The following DNAJC1 variants were observed in gnomAD, a reference collection of about 807,000 sequenced individuals.
DNAJC1 encodes the protein DnaJ heat shock protein family (Hsp40) member C1, also known as dnaJ homolog subfamily C member 1.
A neutral mutation model predicts 76.6 loss-of-function variants in DNAJC1; 58 were observed. The ratio of observed to expected loss-of-function variants is 0.76; its 90% CI spans 0.61 to 0.94. DNAJC1 has a LOEUF of 0.94. Ranked by LOEUF, DNAJC1 falls within the 40% of genes least tolerant of loss-of-function variation. The pLI is 0.00. For missense variants in DNAJC1, 689 were observed against 677.3 expected, an observed-to-expected ratio of 1.02 and a Z score of -0.19; for synonymous variants, 258 against 267.9, an observed-to-expected ratio of 0.96 and a Z score of 0.36.
chr10:21,779,127 C>A (rs1248891558), intron 9 of DNAJC1, among the ~76,000 whole-genome samples: 1 of 152,232 alleles, frequency 6.6e-6, no homozygotes, highest in East Asian at 1.9e-4. Flanking sequence ...CCCACTGCAG[C>A]TCAAGGAGGC....
At chr10:21,886,096 T>A (rs886075137) in intron 7 of DNAJC1, among the ~76,000 whole-genome samples, 1 of 151,720 alleles carries the variant, frequency 6.6e-6, no homozygotes, top group African/African-American at 2.4e-5. Flanking sequence ...CTAGCTAGGC[T>A]AATAGAGAGA....
At chr10:21,819,185 G>A (rs552738997) in intron 8 of DNAJC1, among the ~76,000 whole-genome samples, 2 of 152,208 alleles carry the variant, frequency 1.3e-5, no homozygotes, top group South Asian at 2.1e-4. Flanking sequence ...AGGTGATCAC[G>A]AGGTCAAGAG....
intron 9 of DNAJC1, among the ~76,000 whole-genome samples, chr10:21,768,441 T>C (rs962012929): frequency 6.6e-6 from 1 of 152,200 alleles, no homozygotes; most frequent in Non-Finnish European, 1.5e-5. Flanking sequence ...TCCATCCTTC[T>C]CTGTTTCATA....
At chr10:21,967,760 C>T (rs1010080010) in intron 1 of DNAJC1, among the ~76,000 whole-genome samples, 6 of 152,114 alleles carry the variant, frequency 3.9e-5, no homozygotes, top group African/African-American at 9.7e-5. Flanking sequence ...CCAAATTCTG[C>T]GGACTCGAGT....
intron 6 of DNAJC1, among the ~76,000 whole-genome samples, chr10:21,910,800 C>G (rs1400531753): frequency 8.7e-6 from 1 of 115,048 alleles, no homozygotes; most frequent in Non-Finnish European, 1.6e-5. Context: ...CACATGTAGC[C>G]CAGAACAAGA....
intron 7 of DNAJC1, among the ~76,000 whole-genome samples, chr10:21,895,656 C>T (rs533760244): frequency 3.3e-5 from 5 of 152,188 alleles, no homozygotes; most frequent in South Asian, 4.2e-4. Flanking sequence ...CCAAGGGTGT[C>T]GCCAAGCAAA....
intron 10 of DNAJC1, among the ~76,000 whole-genome samples, chr10:21,760,655 A>G (rs1834230581): frequency 6.6e-6 from 1 of 152,234 alleles, no homozygotes; most frequent in African/African-American, 2.4e-5. Context: ...TGAGGAATTA[A>G]GTTTTTAACT....
At chr10:21,904,679 A>G in intron 6 of DNAJC1, 67 bp from the exon 7 acceptor site, 1 of 1,023,980 alleles carries the variant, frequency 9.8e-7, no homozygotes, top group South Asian at 1.6e-5. Flanking sequence ...TTTTCCATGT[A>G]ACTTAACTTT....
intron 1 of DNAJC1, among the ~76,000 whole-genome samples, chr10:21,947,012 T>G (rs543596834): frequency 5.3e-5 from 8 of 152,280 alleles, no homozygotes; most frequent in African/African-American, 1.9e-4. Context: ...ATGAAGGCCC[T>G]CACCAGATGC....
chr10:21,813,319 G>C (rs1329055956), intron 8 of DNAJC1, among the ~76,000 whole-genome samples: 1 of 149,258 alleles, frequency 6.7e-6, no homozygotes, highest in African/African-American at 2.5e-5. Context: ...CAGTGAGGCC[G>C]CTCAAGCGGC....
chr10:21,915,030 A>C (rs1349122496), intron 6 of DNAJC1, among the ~76,000 whole-genome samples: 1 of 152,234 alleles, frequency 6.6e-6, no homozygotes, highest in East Asian at 1.9e-4. Context: ...TAGAGAAGGC[A>C]TATTTATCTC....
intron 1 of DNAJC1, among the ~76,000 whole-genome samples, chr10:21,943,324 G>A (rs1837450877): frequency 6.6e-6 from 1 of 152,172 alleles, no homozygotes; most frequent in Non-Finnish European, 1.5e-5. Flanking sequence ...TGAAAGGCAA[G>A]TAAAGTAGAT....
At position 21,979,757 on chromosome 10, in the gene DNAJC1, G is replaced by A. The variant is rs547173782; in HGVS notation, c.222+23456C>T. ...GGCTTTACCTTCTGCAAGTCAATCCGGCTAAGGTACAATGGATAAAACGAT... is the reference window on the plus strand; with the variant it reads ...GGCTTTACCTTCTGCAAGTCAATCCAGCTAAGGTACAATGGATAAAACGAT... On this transcript the variant is annotated intron_variant, in intron 1 of 11. Transcript: ENST00000376980. Among the ~76,000 whole-genome samples, 42 of 150,090 alleles carry A rather than the reference G, an allele frequency of 2.8e-4. No individual in the cohort carries two copies. The South Asian group carries it at 5.9e-3, about 21-fold the overall frequency.
At chr10:21,969,965 C>G (rs1837953230) in intron 1 of DNAJC1, among the ~76,000 whole-genome samples, 1 of 151,552 alleles carries the variant, frequency 6.6e-6, no homozygotes, top group Non-Finnish European at 1.5e-5. Context: ...TGCTGAGTTT[C>G]CAATTTATTC....
chr10:21,854,103 A>T (rs1214947152), intron 8 of DNAJC1, among the ~76,000 whole-genome samples: 3 of 152,168 alleles, frequency 2.0e-5, no homozygotes, highest in Non-Finnish European at 1.5e-5. Flanking sequence ...TACAGTGGAT[A>T]CAAAGATAAA....
At chr10:21,771,934 GT>G (rs1319599203) in intron 9 of DNAJC1, among the ~76,000 whole-genome samples, 2 of 152,252 alleles carry the variant, frequency 1.3e-5, no homozygotes, top group African/African-American at 4.8e-5. Flanking sequence ...GGTAATAAAT[GT>G]TTTTTGTTTG....
At chr10:21,831,896 G>C (rs962653392) in intron 8 of DNAJC1, among the ~76,000 whole-genome samples, 2 of 151,670 alleles carry the variant, frequency 1.3e-5, no homozygotes, top group Non-Finnish European at 2.9e-5. Flanking sequence ...CTCAAGGATT[G>C]ATACATTTAC....
chr10:21,845,162 G>A (rs1192911317), intron 8 of DNAJC1, among the ~76,000 whole-genome samples: 1 of 152,016 alleles, frequency 6.6e-6, no homozygotes, highest in Non-Finnish European at 1.5e-5. Context: ...TATTTTGGGG[G>A]CTTCTGTTTG....
chr10:21,983,611 C>G (rs1485526382), intron 1 of DNAJC1, among the ~76,000 whole-genome samples: 3 of 151,540 alleles, frequency 2.0e-5, no homozygotes, highest in African/African-American at 7.3e-5. Flanking sequence ...ATCCCAGCTA[C>G]TGGGGAGGCT....
Sources: allele counts gnomAD v4.1 joint callset (sites outside exome capture counted in the v4.1 genomes callset), GRCh38; gene constraint gnomAD v4.1.1; transcripts MANE v1.5; gene names NCBI Gene and HGNC (gene_info 2026-07-23, HGNC 2026-07-21).